LPAR1: variants seen among roughly 807,000 people sequenced by gnomAD.
The protein encoded by LPAR1 is LPA receptor 1.
Under a neutral mutation model 23.8 loss-of-function variants are expected in LPAR1, and 5 were observed. That is an observed-to-expected ratio of 0.21 (90% CI 0.11 to 0.44). The LOEUF (loss-of-function observed/expected upper bound fraction) is 0.44, where lower values mean the gene tolerates loss of function less well. LPAR1 is among the 20% of genes least tolerant of loss of function. LPAR1 has a pLI of 0.99. For missense variants in LPAR1, 311 were observed against 482.8 expected (o/e 0.64, Z 3.33); for synonymous variants, 160 against 164.7 (o/e 0.97, Z 0.22).
At chr9:110,929,764 C>T (rs1338623655) in intron 5 of LPAR1, among the ~76,000 whole-genome samples, 1 of 129,346 alleles carries the variant, frequency 7.7e-6, no homozygotes, top group Non-Finnish European at 1.8e-5. Flanking sequence ...AGATAAAACA[C>T]AAGATACCCA....
At chr9:110,908,447 A>C (rs1248335743) in intron 5 of LPAR1, among the ~76,000 whole-genome samples, 2 of 151,950 alleles carry the variant, frequency 1.3e-5, no homozygotes, top group Non-Finnish European at 2.9e-5. Flanking sequence ...AAAACAGAAA[A>C]TTAATACTGA....
At chr9:110,956,436 A>T (rs1467443734) in intron 4 of LPAR1, among the ~76,000 whole-genome samples, 2 of 152,096 alleles carry the variant, frequency 1.3e-5, no homozygotes, top group Admixed American at 6.6e-5. Context: ...GTTAATATTT[A>T]AAAAATAAAG....
At chr9:110,955,717 GA>G (rs368923001) in intron 4 of LPAR1, among the ~76,000 whole-genome samples, 3,729 of 138,716 alleles carry the variant, frequency 0.027, 128 homozygotes, top group African/African-American at 0.085. Flanking sequence ...GACCACAATA[GA>G]AAAAAAAAAA....
At chr9:110,989,198 T>G (rs148949278) in intron 2 of LPAR1, among the ~76,000 whole-genome samples, 17 of 152,248 alleles carry the variant, frequency 1.1e-4, no homozygotes, top group African/African-American at 4.1e-4. Context: ...CTGAGCTTGA[T>G]TGGAGTGATG....
intron 1 of LPAR1, among the ~76,000 whole-genome samples, chr9:111,036,561 C>A (rs1303328555): frequency 6.6e-6 from 1 of 152,102 alleles, no homozygotes; most frequent in East Asian, 1.9e-4. Context: ...ATTTGGGAAG[C>A]TGGAAGGAAC....
intron 2 of LPAR1, among the ~76,000 whole-genome samples, chr9:111,009,293 G>A (rs538541638): frequency 1.1e-4 from 17 of 152,148 alleles, no homozygotes; most frequent in African/African-American, 3.9e-4. Context: ...AATTAGTAAA[G>A]TGGACCATCA....
At chr9:110,886,508 T>A (rs2082459867) in intron 5 of LPAR1, among the ~76,000 whole-genome samples, 1 of 152,042 alleles carries the variant, frequency 6.6e-6, no homozygotes, top group Non-Finnish European at 1.5e-5. Flanking sequence ...TGATATTATT[T>A]TAAACTTGTA....
At chr9:110,892,073 A>G (rs952647827) in intron 5 of LPAR1, among the ~76,000 whole-genome samples, 1 of 152,236 alleles carries the variant, frequency 6.6e-6, no homozygotes, top group African/African-American at 2.4e-5. Flanking sequence ...TGTCCACACA[A>G]AGATGTGTAG....
chr9:111,005,546 CAAAAAAAAAAAAAAAAAAA>C (rs60143050), intron 2 of LPAR1, among the ~76,000 whole-genome samples: 1 of 70,336 alleles, frequency 1.4e-5, no homozygotes. Context: ...GACCCTGTCT[CAAAAAAAAAAAAAAAAAAA>C]AAAAAAAAAA....
At chr9:110,928,912 A>G (rs1233035245) in intron 5 of LPAR1, among the ~76,000 whole-genome samples, 1 of 152,260 alleles carries the variant, frequency 6.6e-6, no homozygotes, top group Non-Finnish European at 1.5e-5. Flanking sequence ...AGAGAAAGGA[A>G]AATAACTTGA....
At chr9:110,949,472 T>A (rs994535288) in intron 4 of LPAR1, among the ~76,000 whole-genome samples, 4 of 152,240 alleles carry the variant, frequency 2.6e-5, no homozygotes, top group Non-Finnish European at 5.9e-5. Context: ...CACACTTGAC[T>A]AGAAGTCTGA....
At chr9:111,037,877 T>A (rs2141931020) in intron 1 of LPAR1, 1 of 152,064 alleles carries the variant, frequency 6.6e-6, no homozygotes, top group East Asian at 2.0e-4. Context: ...CCCGGGCGGC[T>A]GCGGCAACTT....
chr9:110,961,761 T>C (rs1484274453), intron 4 of LPAR1, among the ~76,000 whole-genome samples: 1 of 147,922 alleles, frequency 6.8e-6, no homozygotes, highest in African/African-American at 2.5e-5. Flanking sequence ...GGCAAGAGAG[T>C]GTGTACAGGG....
At chr9:110,981,751 T>C (rs1310621552) in intron 2 of LPAR1, among the ~76,000 whole-genome samples, 1 of 151,996 alleles carries the variant, frequency 6.6e-6, no homozygotes, top group East Asian at 1.9e-4. Context: ...ATTATGGACA[T>C]ACAGAATCTA....
chr9:110,886,352 G>A (rs10980614), intron 5 of LPAR1, among the ~76,000 whole-genome samples: 18,078 of 91,698 alleles, frequency 0.2, 1,409 homozygotes, highest in Middle Eastern at 0.37. Context: ...CAACAAGAGC[G>A]AAACTCCATC....
chr9:110,967,045 A>G (rs1372468874), intron 4 of LPAR1, among the ~76,000 whole-genome samples: 1 of 152,080 alleles, frequency 6.6e-6, no homozygotes, highest in African/African-American at 2.4e-5. Context: ...CATTAACTCA[A>G]CCTAATGATG....
intron 5 of LPAR1, among the ~76,000 whole-genome samples, chr9:110,916,716 T>C (rs2093144645): frequency 6.6e-6 from 1 of 152,094 alleles, no homozygotes; most frequent in Non-Finnish European, 1.5e-5. Context: ...TCCTCCAGTT[T>C]TCTCTAGAGA....
At chr9:110,922,941 C>G (rs2093740782) in intron 5 of LPAR1, among the ~76,000 whole-genome samples, 2 of 151,624 alleles carry the variant, frequency 1.3e-5, no homozygotes, top group South Asian at 4.2e-4. Flanking sequence ...CTGCACCCAT[C>G]AACCCATCAT....
At chr9:110,963,876 C>T (rs944648612) in intron 4 of LPAR1, among the ~76,000 whole-genome samples, 2 of 152,222 alleles carry the variant, frequency 1.3e-5, no homozygotes, top group African/African-American at 4.8e-5. Context: ...GATCCCCCAG[C>T]TATGGTGTAT....
Sources: allele counts gnomAD v4.1 joint callset (sites outside exome capture counted in the v4.1 genomes callset), GRCh38; gene constraint gnomAD v4.1.1; transcripts MANE v1.5; gene names NCBI Gene and HGNC (gene_info 2026-07-23, HGNC 2026-07-21).